GALNTL6: variants seen among roughly 807,000 people sequenced by gnomAD.
GALNTL6 encodes polypeptide N-acetylgalactosaminyltransferase-like 6.
Under a neutral mutation model 73.7 loss-of-function variants are expected in GALNTL6, and 46 were observed. The observed-to-expected ratio is 0.62, with a 90% CI of 0.49 to 0.80. The LOEUF is 0.80. Among genes scored for constraint, GALNTL6 ranks in the 30% least tolerant of loss-of-function variants. The probability of loss-of-function intolerance (pLI) is 0.00; values close to 1 mark genes in which losing one functional copy is unlikely to be tolerated. For synonymous variants in GALNTL6, 259 were observed against 263.7 expected (o/e 0.98, Z 0.17); for missense variants, 604 against 755.0 (o/e 0.80, Z 2.34).
intron 5 of GALNTL6, among the ~76,000 whole-genome samples, chr4:172,672,720 A>T (rs899421105): frequency 3.9e-5 from 6 of 152,128 alleles, no homozygotes; most frequent in Non-Finnish European, 8.8e-5. Flanking sequence ...TGGTCTGTCC[A>T]GGGATTCAGT....
intron 2 of GALNTL6, among the ~76,000 whole-genome samples, chr4:171,895,108 T>A (rs146476406): frequency 6.6e-6 from 1 of 152,222 alleles, no homozygotes; most frequent in Non-Finnish European, 1.5e-5. Flanking sequence ...GGGACTGTAA[T>A]GTCTACATGA....
intron 8 of GALNTL6, among the ~76,000 whole-genome samples, chr4:172,886,541 G>A (rs773285186): frequency 3.8e-4 from 58 of 152,298 alleles, no homozygotes; most frequent in African/African-American, 1.1e-3. Context: ...CAAGGCTGGC[G>A]GATCACAAGG....
intron 5 of GALNTL6, among the ~76,000 whole-genome samples, chr4:172,706,052 A>G (rs1734332020): frequency 6.6e-6 from 1 of 152,060 alleles, no homozygotes; most frequent in African/African-American, 2.4e-5. Flanking sequence ...GTGTCTTTGA[A>G]TAAGCTTTCT....
chr4:171,907,191 G>C (rs1443706496), intron 2 of GALNTL6, among the ~76,000 whole-genome samples: 1 of 152,088 alleles, frequency 6.6e-6, no homozygotes, highest in Non-Finnish European at 1.5e-5. Context: ...ATTAGGAAAA[G>C]AGGAAGTCAA....
rs1242436701 is a variant in GALNTL6 at position 172,159,526 on chromosome 4, G to T, written c.139-70130G>T. Reference sequence around the variant, plus strand: ...ATGCTTAAGCTGACATTTCAAACATGAGTAGGAGTCAAGTGTAGAGAGGAG... The same window carrying T: ...ATGCTTAAGCTGACATTTCAAACATTAGTAGGAGTCAAGTGTAGAGAGGAG... On this transcript the variant is annotated intron_variant, in intron 2 of 12. Coordinates refer to ENST00000506823, the MANE Select transcript of GALNTL6 (RefSeq NM_001034845.3). Among the ~76,000 whole-genome samples, 5 of 152,272 alleles carry T rather than the reference G, an allele frequency of 3.3e-5. No individual in the cohort carries two copies. The East Asian group carries it at 9.7e-4, about 29-fold the overall frequency.
intron 5 of GALNTL6, among the ~76,000 whole-genome samples, chr4:172,475,556 G>A (rs527947238): frequency 1.2e-4 from 18 of 152,018 alleles, no homozygotes; most frequent in African/African-American, 3.4e-4. Flanking sequence ...TTACTTTTTC[G>A]GCATTTTCAA....
chr4:172,137,431 T>C (rs1350212200), intron 2 of GALNTL6, among the ~76,000 whole-genome samples: 2 of 152,200 alleles, frequency 1.3e-5, no homozygotes, highest in Non-Finnish European at 2.9e-5. Flanking sequence ...TGGAATATGG[T>C]AATAGTTTCT....
chr4:171,879,959 A>T (rs13128726), intron 2 of GALNTL6, among the ~76,000 whole-genome samples: 145,737 of 152,284 alleles, frequency 0.96, 69,804 homozygotes, highest in East Asian at 1. Flanking sequence ...TTCTTTATTA[A>T]TTGTTATGTA....
chr4:172,234,662 A>C (rs1737178172), intron 3 of GALNTL6, among the ~76,000 whole-genome samples: 1 of 151,998 alleles, frequency 6.6e-6, no homozygotes, highest in South Asian at 2.1e-4. Context: ...TTCTAGACTA[A>C]ATCTTCCTTT....
intron 3 of GALNTL6, among the ~76,000 whole-genome samples, chr4:172,231,254 T>C (rs10012505): frequency 0.4 from 60,352 of 151,950 alleles, 12,176 homozygotes; most frequent in African/African-American, 0.42. Flanking sequence ...TGCTGAAGTT[T>C]TTTGGAAATG....
intron 2 of GALNTL6, among the ~76,000 whole-genome samples, chr4:172,073,186 CT>C (rs1731598560): frequency 1.3e-5 from 2 of 152,210 alleles, no homozygotes; most frequent in South Asian, 4.1e-4. Flanking sequence ...TCATAGAGAA[CT>C]TTCCCAGCTC....
intron 8 of GALNTL6, among the ~76,000 whole-genome samples, chr4:172,909,587 G>T (rs1196951233): frequency 1.3e-5 from 2 of 152,066 alleles, no homozygotes; most frequent in African/African-American, 4.8e-5. Flanking sequence ...TATAATGATA[G>T]ATTTTTCACT....
At chr4:172,394,145 A>G (rs144750404) in intron 5 of GALNTL6, among the ~76,000 whole-genome samples, 66 of 152,194 alleles carry the variant, frequency 4.3e-4, no homozygotes, top group African/African-American at 1.5e-3. Context: ...CAACTTTATA[A>G]TTACTAATTA....
At chr4:172,055,721 C>T (rs746890063) in intron 2 of GALNTL6, among the ~76,000 whole-genome samples, 6 of 152,130 alleles carry the variant, frequency 3.9e-5, no homozygotes, top group African/African-American at 1.4e-4. Flanking sequence ...CCATCTGACA[C>T]ATGACAAAGT....
At chr4:172,944,919 A>G (rs1749086359) in intron 9 of GALNTL6, among the ~76,000 whole-genome samples, 2 of 152,006 alleles carry the variant, frequency 1.3e-5, no homozygotes, top group Admixed American at 1.3e-4. Context: ...GTAGCCAGGC[A>G]TGGTGGCATG....
At chr4:173,021,775 C>A in intron 12 of GALNTL6, 150 bp downstream of exon 12, 3 of 746,840 alleles carry the variant, frequency 4.0e-6, no homozygotes, top group Non-Finnish European at 4.4e-6. Flanking sequence ...GGGCAGATCA[C>A]CTGAGGTTGG....
intron 10 of GALNTL6, among the ~76,000 whole-genome samples, chr4:172,989,856 C>A (rs1751464204): frequency 6.6e-6 from 1 of 152,120 alleles, no homozygotes; most frequent in African/African-American, 2.4e-5. Flanking sequence ...TGGACTAATC[C>A]ATATAGACTT....
At chr4:172,789,505 G>C (rs1479711419) in intron 5 of GALNTL6, among the ~76,000 whole-genome samples, 1 of 151,968 alleles carries the variant, frequency 6.6e-6, no homozygotes, top group Non-Finnish European at 1.5e-5. Context: ...GTGACCCAGG[G>C]AATCCAAAAA....
chr4:172,338,098 A>G (rs1220184951), intron 4 of GALNTL6, among the ~76,000 whole-genome samples: 2 of 152,178 alleles, frequency 1.3e-5, no homozygotes, highest in Admixed American at 6.5e-5. Flanking sequence ...GAAATACACT[A>G]AGTGAATTTT....
Sources: gnomAD v4.1 joint callset for allele counts (sites outside exome capture counted in the v4.1 genomes callset) on GRCh38, gnomAD v4.1.1 for gene constraint, MANE v1.5 for transcripts, NCBI Gene and HGNC (gene_info 2026-07-23, HGNC 2026-07-21) for gene names.